The following PPHLN1 variants were observed in gnomAD, a reference collection of about 807,000 sequenced individuals.
PPHLN1 encodes periphilin 1.
PPHLN1 carries 29 observed loss-of-function variants against 51.3 expected under a neutral mutation model. The ratio of observed to expected loss-of-function variants is 0.57; its 90% CI spans 0.42 to 0.77. The LOEUF is 0.77. PPHLN1 is among the 30% of genes least tolerant of loss of function. The probability of loss-of-function intolerance (pLI) is 0.00; values close to 1 mark genes in which losing one functional copy is unlikely to be tolerated. For missense variants in PPHLN1, 436 were observed against 438.4 expected, an observed-to-expected ratio of 0.99 and a Z score of 0.05; for synonymous variants, 147 against 147.8, an observed-to-expected ratio of 0.99 and a Z score of 0.04.
chr12:42,435,711 C>T (rs1420303346), intron 9 of PPHLN1, among the ~76,000 whole-genome samples: 2 of 151,894 alleles, frequency 1.3e-5, no homozygotes, highest in Admixed American at 6.6e-5. Flanking sequence ...GAACATTTTA[C>T]AGATGCTAAT....
At chr12:42,446,708 G>A (rs1276481952), downstream of PPHLN1, 3 of 1,506,268 alleles carry the variant, frequency 2.0e-6, no homozygotes, top group Non-Finnish European at 2.7e-6. Context: ...GGTGATGTAG[G>A]AGATGGTCAG....
chr12:42,357,933 C>T (rs1416785924), intron 4 of PPHLN1, among the ~76,000 whole-genome samples: 1 of 152,160 alleles, frequency 6.6e-6, no homozygotes, highest in Non-Finnish European at 1.5e-5. Flanking sequence ...CATATGTACA[C>T]ATTATTTAGC....
intron 2 of PPHLN1, among the ~76,000 whole-genome samples, chr12:42,339,501 T>C (rs2071171106): frequency 6.6e-6 from 1 of 152,224 alleles, no homozygotes; most frequent in African/African-American, 2.4e-5. Flanking sequence ...CACCTGCATC[T>C]TAGTTAAATA....
intron 9 of PPHLN1, among the ~76,000 whole-genome samples, chr12:42,413,214 A>G (rs1330830196): frequency 6.6e-6 from 1 of 152,120 alleles, no homozygotes; most frequent in Non-Finnish European, 1.5e-5. Flanking sequence ...AGTTTTTCCC[A>G]GGTTATCTTC....
At chr12:42,351,816 T>C (rs1289868398) in intron 2 of PPHLN1, 69 bp from the exon 3 acceptor site, 1 of 1,380,196 alleles carries the variant, frequency 7.2e-7, no homozygotes, top group Non-Finnish European at 9.6e-7. Context: ...TCCTGTGCTT[T>C]TTAAAAACCT....
chr12:42,430,892 CAAGAT>C (rs2081983460), intron 9 of PPHLN1, among the ~76,000 whole-genome samples: 1 of 152,000 alleles, frequency 6.6e-6, no homozygotes, highest in Admixed American at 6.6e-5. Context: ...TTAAACAAAA[CAAGAT>C]AAAAAAGATA....
chr12:42,407,463 T>G (rs1195588916), intron 9 of PPHLN1, among the ~76,000 whole-genome samples: 2 of 152,242 alleles, frequency 1.3e-5, no homozygotes, highest in Non-Finnish European at 2.9e-5. Flanking sequence ...GAGTGACACC[T>G]TAATGCTTTC....
At chr12:42,331,324 T>A (rs949072730) in intron 1 of PPHLN1, among the ~76,000 whole-genome samples, 1 of 152,248 alleles carries the variant, frequency 6.6e-6, no homozygotes, top group African/African-American at 2.4e-5. Context: ...TACTATAGCC[T>A]AAGTTGCTAC....
In PPHLN1 at chr12:42,404,196, T is replaced by C. The variant is rs59575749; in HGVS notation, c.909+5202T>C. Among the ~76,000 whole-genome samples, 370 of 152,362 alleles carry C rather than the reference T, an allele frequency of 2.4e-3. 2 individuals carry two copies. Among genetic ancestry groups the C allele is most frequent in the African/African-American group, 8.5e-3 (352 of 41,592 alleles). ...AAGTAATACTTTCTGCCTGTTTCTT[T>C]GCAGCTTTGCAATATTGATTACTTT... On this transcript the variant is annotated intron_variant, in intron 9 of 9. Coordinates refer to ENST00000358314, the MANE Select transcript of PPHLN1 (RefSeq NM_201439.2).
intron 9 of PPHLN1, among the ~76,000 whole-genome samples, chr12:42,413,981 G>A (rs1157839616): frequency 6.6e-6 from 1 of 151,828 alleles, no homozygotes; most frequent in Non-Finnish European, 1.5e-5. Flanking sequence ...TGAATTTTAG[G>A]ATTGTTTTTT....
rs1339731396 is a variant in PPHLN1 at position 42,390,836 on chromosome 12, T to G, written c.649-2734T>G. Among the ~76,000 whole-genome samples the G allele has an allele frequency of 4.6e-5, 6 of 129,088 alleles. No individual in the cohort carries two copies. In the East Asian group the frequency reaches 8.6e-4, roughly 18 times the overall value. 84.7% of individuals were successfully genotyped at this position (129,088 alleles called of 152,430 possible). On this transcript the variant is annotated intron_variant, in intron 7 of 9. Transcript: ENST00000358314. ...CCGTGAAGTTTTTTTTTTTTTTTTT[T>G]GTATATAAAAATAGAGATGGGGTCT...
chr12:42,446,171 G>A (rs142900538), downstream of PPHLN1: 1 of 1,608,368 alleles, frequency 6.2e-7, no homozygotes, highest in Non-Finnish European at 8.5e-7. Context: ...CATTACCTGG[G>A]GGATGCTGAA....
At chr12:42,393,362 T>C (rs1452537190) in intron 7 of PPHLN1, among the ~76,000 whole-genome samples, 1 of 152,124 alleles carries the variant, frequency 6.6e-6, no homozygotes, top group Non-Finnish European at 1.5e-5. Context: ...AAATTAAGAA[T>C]TAGATCTGGT....
chr12:42,375,672 T>G (rs1334584561), intron 5 of PPHLN1, among the ~76,000 whole-genome samples: 1 of 152,090 alleles, frequency 6.6e-6, no homozygotes, highest in Non-Finnish European at 1.5e-5. Flanking sequence ...TTTTATTTTA[T>G]TTTTATTTTT....
chr12:42,421,488 C>T lies in PPHLN1; in HGVS notation c.910-19827C>T, dbSNP rs564830641. Among the ~76,000 whole-genome samples, 35 of 152,190 alleles carry T rather than the reference C, an allele frequency of 2.3e-4. 1 individual carries two copies. The South Asian group carries it at 6.4e-3, about 28-fold the overall frequency. On this transcript the variant is annotated intron_variant, in intron 9 of 9. Coordinates refer to ENST00000358314, the MANE Select transcript of PPHLN1 (RefSeq NM_201439.2). ...TCAGCCTCCCTAGTAGCTGGGATTA[C>T]AGGCATGCACCACCATGCCTGGCTA...
intron 2 of PPHLN1, among the ~76,000 whole-genome samples, chr12:42,340,894 C>G: frequency 6.6e-6 from 1 of 151,950 alleles, no homozygotes; most frequent in East Asian, 1.9e-4. Flanking sequence ...AGGAAGGTAA[C>G]ATTCTATTTT....
At chr12:42,355,367 G>A in intron 4 of PPHLN1, 145 bp downstream of exon 4, 2 of 662,484 alleles carry the variant, frequency 3.0e-6, no homozygotes, top group Non-Finnish European at 5.2e-6. Flanking sequence ...TATTCTTTTT[G>A]TGACTATGTA....
intron 7 of PPHLN1, among the ~76,000 whole-genome samples, chr12:42,392,323 T>C (rs2077799912): frequency 6.6e-6 from 1 of 152,206 alleles, no homozygotes. Context: ...GTTGGGATAA[T>C]AAAGCCTCTC....
intron 4 of PPHLN1, among the ~76,000 whole-genome samples, chr12:42,368,609 A>T (rs2138631756): frequency 6.6e-6 from 1 of 152,300 alleles, no homozygotes. Context: ...GAGATGTGGA[A>T]CTCTAAGTAA....
Sources: gnomAD v4.1 joint callset for allele counts (sites outside exome capture counted in the v4.1 genomes callset) on GRCh38, gnomAD v4.1.1 for gene constraint, MANE v1.5 for transcripts, NCBI Gene and HGNC (gene_info 2026-07-23, HGNC 2026-07-21) for gene names.